The following KMO variants were observed in gnomAD, a reference collection of about 807,000 sequenced individuals.
The protein encoded by KMO is kynurenine 3-monooxygenase, also known as kynurenine 3-hydroxylase.
Under a neutral mutation model 57.8 loss-of-function variants are expected in KMO, and 24 were observed. The observed-to-expected ratio is 0.42, with a 90% CI of 0.30 to 0.58. KMO has a LOEUF of 0.58. Ranked by LOEUF, KMO falls within the 20% of genes least tolerant of loss-of-function variation. The pLI is 0.22. For synonymous variants in KMO, 210 were observed against 193.6 expected, an observed-to-expected ratio of 1.08 and a Z score of -0.70; for missense variants, 483 against 588.2, an observed-to-expected ratio of 0.82 and a Z score of 1.85.
In KMO at chr1:241,592,755, C is replaced by CTATCTATCTATCT. The variant is rs1553352691; in HGVS notation, c.*602_*603insTATCTATCTATCT. The CTATCTATCTATCT allele has an allele frequency of 1.5e-5, 2 of 137,478 alleles. No homozygotes were observed. The highest frequency in any genetic ancestry group is 5.2e-5 in the African/African-American group (2 of 38,690). The allele number at this position is 137,478 out of a possible 1,614,324, so 8.5% of individuals were successfully genotyped here. ...ATCTATCATCTATCTATCTATCTAT[C>CTATCTATCTATCT]ATCTATCTATCTATCTATCTATCTA... On this transcript the variant is annotated 3_prime_UTR_variant, in exon 15 of 15. Coordinates refer to ENST00000366559, the MANE Select transcript of KMO (RefSeq NM_003679.5).
rs58720197 is a variant in KMO, at chr1:241,583,294, T to C, written c.958-3385T>C. ...CCTAATGCCCATGGTGACTACTGCC[T>C]GGCTACCACTGATGTTTATTCAAGG... On this transcript the variant is annotated intron_variant, in intron 10 of 14. Transcript: ENST00000366559. 3.5e-3 allele frequency among the ~76,000 whole-genome samples: 529 copies of C among 152,304 alleles called. 1 individual carries two copies. The highest frequency in any genetic ancestry group is 0.012 in the African/African-American group (513 of 41,574).
At chr1:241,581,307 A>G (rs1046991958) in intron 10 of KMO, among the ~76,000 whole-genome samples, 1 of 152,044 alleles carries the variant, frequency 6.6e-6, no homozygotes, top group Admixed American at 6.6e-5. Flanking sequence ...TTATTAGGGA[A>G]TTTATTCCAT....
intron 1 of KMO, among the ~76,000 whole-genome samples, chr1:241,536,775 T>C (rs1346995167): frequency 1.3e-5 from 2 of 152,146 alleles, no homozygotes; most frequent in East Asian, 3.8e-4. Context: ...TTAGTAGTAT[T>C]TAGAGGGTGA....
At chr1:241,540,850 A>G (rs1203667699) in intron 1 of KMO, among the ~76,000 whole-genome samples, 2 of 152,066 alleles carry the variant, frequency 1.3e-5, no homozygotes, top group African/African-American at 4.8e-5. Context: ...GATCACATGA[A>G]CCCAGGGGTT....
Position 241,594,782 on chromosome 1 carries a change from A to T in KMO, c.*2629A>T. The T allele has an allele frequency of 6.7e-7, 1 of 1,487,576 alleles. No individual in the cohort carries two copies. The highest frequency in any genetic ancestry group is 1.3e-5 in the South Asian group (1 of 75,502). The allele number at this position is 1,487,576 out of a possible 1,614,324, so 92.1% of individuals were successfully genotyped here. On this transcript the variant is annotated 3_prime_UTR_variant, in exon 15 of 15. Coordinates refer to ENST00000366559, the MANE Select transcript of KMO (RefSeq NM_003679.5). Reference sequence around the variant, plus strand: ...GAGGAAATCAGTTGAGCTGAATTTAAGTTGTTTTTTGTTTGTTAGCAGGTG... The same window carrying T: ...GAGGAAATCAGTTGAGCTGAATTTATGTTGTTTTTTGTTTGTTAGCAGGTG...
chr1:241,549,898 C>A, intron 3 of KMO, 124 bp downstream of exon 3: 1 of 677,988 alleles, frequency 1.5e-6, no homozygotes, highest in African/African-American at 1.8e-5. Context: ...AAAACTCATT[C>A]TACTAAAGCT....
chr1:241,576,024 C>CTT lies in KMO; in HGVS notation c.957+7389_957+7390dup, dbSNP rs34772001. ...ATCATTTTGTAATGGCCTTCTTTGT[C>CTT]TTTTTTTTTTTTTAACTGTTGTTTT... On this transcript the variant is annotated intron_variant, in intron 10 of 14. Coordinates refer to ENST00000366559, the MANE Select transcript of KMO (RefSeq NM_003679.5). Among the ~76,000 whole-genome samples, 56 of 143,268 alleles carry CTT rather than the reference C, an allele frequency of 3.9e-4. 1 individual carries two copies. Among genetic ancestry groups the CTT allele is most frequent in the Non-Finnish European group, 4.9e-4 (32 of 65,278 alleles). 94.0% of individuals were successfully genotyped at this position (143,268 alleles called of 152,430 possible).
At chr1:241,573,408 G>T (rs1662378745) in intron 10 of KMO, among the ~76,000 whole-genome samples, 1 of 152,116 alleles carries the variant, frequency 6.6e-6, no homozygotes, top group Admixed American at 6.5e-5. Flanking sequence ...ATGGTTTCAG[G>T]TCTTAGGTTT....
Position 241,588,790 on chromosome 1 carries a change from A to G in KMO, c.1058A>G (p.Asp353Gly). ...TTCTCAAGATTGAGAATCCCAGATG[A>G]TCACGCGATTTCAGACCTATCCATG... ...PVFSRLRIPD[D>G]HAISDLSMYN... The change falls in exon 12 of 15, where the codon GAT (aspartate) becomes GGT (glycine). Residue 353 changes from aspartate to glycine, a missense_variant. By Grantham distance (94) the Asp-to-Gly change is moderately conservative. Around this residue, in one of 3 missense-constraint regions of KMO, gnomAD observed 410 missense variants for 492.3 expected, o/e 0.83. Coordinates refer to ENST00000366559, the MANE Select transcript of KMO (RefSeq NM_003679.5). 1.2e-6 allele frequency: 2 copies of G among 1,613,634 alleles called. No individual in the cohort carries two copies. The highest frequency in any genetic ancestry group is 2.7e-5 in the African/African-American group (2 of 75,042).
In KMO at chr1:241,590,089, G is replaced by T; in HGVS notation, c.1176G>T (p.Ser392=). The T allele has an allele frequency of 1.9e-6, 3 of 1,613,624 alleles. No individual in the cohort carries two copies. The highest frequency in any genetic ancestry group is 2.5e-6 in the Non-Finnish European group (3 of 1,179,650). The change falls in exon 13 of 15, where the codon TCG becomes TCT. Residue 392 remains serine (S), a synonymous_variant. Coordinates refer to ENST00000366559, the MANE Select transcript of KMO (RefSeq NM_003679.5). ...MERFLHAIMP[S]TFIPLYTMVT... is the part of the protein sequence containing the mutation. ...GATTTCTTCATGCGATTATGCCATC[G>T]ACCTTTATCCCTCTCTATACAATGG...
chr1:241,538,801 C>T (rs958472546), intron 1 of KMO, among the ~76,000 whole-genome samples: 4 of 152,168 alleles, frequency 2.6e-5, no homozygotes, highest in African/African-American at 7.2e-5. Context: ...CCTTCATTTG[C>T]TATCTGGTGG....
At chr1:241,539,150 A>G (rs1207354827) in intron 1 of KMO, among the ~76,000 whole-genome samples, 2 of 152,096 alleles carry the variant, frequency 1.3e-5, no homozygotes, top group Admixed American at 6.5e-5. Context: ...TGGGAGTCCG[A>G]GGTGGGTGGA....
intron 5 of KMO, among the ~76,000 whole-genome samples, chr1:241,557,823 A>G (rs978041501): frequency 1.3e-5 from 2 of 152,186 alleles, no homozygotes; most frequent in African/African-American, 4.8e-5. Flanking sequence ...AAAAATCAAA[A>G]CAAAACAACA....
chr1:241,554,227 T>TTTCC (rs59290477), intron 4 of KMO, among the ~76,000 whole-genome samples: 11,730 of 131,868 alleles, frequency 0.089, 709 homozygotes, highest in African/African-American at 0.13. Flanking sequence ...AATACTTTTC[T>TTTCC]TTCCTTCCTT....
intron 9 of KMO, among the ~76,000 whole-genome samples, chr1:241,567,690 A>C (rs546142695): frequency 6.6e-6 from 1 of 152,224 alleles, no homozygotes; most frequent in Non-Finnish European, 1.5e-5. Flanking sequence ...CTGCTGGCCC[A>C]TAGCAGGTCT....
intron 1 of KMO, among the ~76,000 whole-genome samples, chr1:241,542,384 A>G (rs1660988619): frequency 6.6e-6 from 1 of 152,228 alleles, no homozygotes; most frequent in African/African-American, 2.4e-5. Context: ...GAGACAGAAG[A>G]AAGTGGAGAA....
At chr1:241,545,565 C>T (rs979371340) in intron 1 of KMO, among the ~76,000 whole-genome samples, 1 of 152,130 alleles carries the variant, frequency 6.6e-6, no homozygotes, top group Admixed American at 6.5e-5. Context: ...TATAAAGACA[C>T]AAGTCATATT....
intron 10 of KMO, among the ~76,000 whole-genome samples, chr1:241,569,868 A>G (rs1009624370): frequency 2.0e-5 from 3 of 152,054 alleles, no homozygotes; most frequent in African/African-American, 7.2e-5. Context: ...AGATAATATC[A>G]TTGTATATTT....
chr1:241,565,454 C>T (rs1238000910), intron 8 of KMO, among the ~76,000 whole-genome samples: 1 of 151,616 alleles, frequency 6.6e-6, no homozygotes, highest in African/African-American at 2.4e-5. Context: ...GGCGCAGCGG[C>T]TCACACCTGT....
Sources: allele counts gnomAD v4.1 joint callset (sites outside exome capture counted in the v4.1 genomes callset), GRCh38; gene constraint gnomAD v4.1.1; regional missense constraint gnomAD v4.1.1; transcripts MANE v1.5; gene names NCBI Gene and HGNC (gene_info 2026-07-23, HGNC 2026-07-21).